Variants in COMMD1 observed in about 807,000 individuals in gnomAD.
The protein encoded by COMMD1 is copper metabolism domain containing 1.
In COMMD1, 10 loss-of-function variants were observed where a neutral mutation model predicts 17.2. The observed-to-expected ratio is 0.58, with a 90% CI of 0.36 to 0.99. COMMD1 has a LOEUF of 0.99. COMMD1 is among the 50% of genes least tolerant of loss of function. The pLI is 0.01. For missense variants in COMMD1, 270 were observed against 231.8 expected (o/e 1.17, Z -1.07); for synonymous variants, 97 against 91.6 (o/e 1.06, Z -0.34).
intron 2 of COMMD1, among the ~76,000 whole-genome samples, chr2:62,062,263 G>C: frequency 6.7e-6 from 1 of 150,046 alleles, no homozygotes; most frequent in Admixed American, 6.6e-5. Flanking sequence ...TTTCGCTCTT[G>C]TTGCCCAGGC....
chr2:62,109,537 T>C (rs1224353781), intron 2 of COMMD1, among the ~76,000 whole-genome samples: 1 of 152,244 alleles, frequency 6.6e-6, no homozygotes, highest in African/African-American at 2.4e-5. Context: ...AAAAACCCTA[T>C]GAAGTGGGAT....
upstream of COMMD1, among the ~76,000 whole-genome samples, chr2:61,902,113 G>A (rs146818032): frequency 3.4e-3 from 514 of 151,998 alleles, 3 homozygotes; most frequent in Middle Eastern, 6.8e-3. Context: ...TTACAGGCGT[G>A]AGCCACCGCA....
At chr2:62,035,572 C>G (rs1670015675) in intron 2 of COMMD1, among the ~76,000 whole-genome samples, 2 of 151,806 alleles carry the variant, frequency 1.3e-5, no homozygotes, top group African/African-American at 2.4e-5. Flanking sequence ...GTAACACTCT[C>G]TACAAAAAAT....
intron 2 of COMMD1, among the ~76,000 whole-genome samples, chr2:62,019,101 T>TCCCCTCCC (rs1189020954): frequency 2.3e-5 from 2 of 88,324 alleles, no homozygotes; most frequent in Non-Finnish European, 2.2e-5. Flanking sequence ...TCTCTCTCTC[T>TCCCCTCCC]TCCCTCCCTC....
At chr2:61,913,962 G>A (rs183789182) in intron 1 of COMMD1, among the ~76,000 whole-genome samples, 95 of 152,196 alleles carry the variant, frequency 6.2e-4, no homozygotes, top group Non-Finnish European at 1.5e-4. Context: ...ATGAGGTCAG[G>A]AGATCAAGAC....
intron 1 of COMMD1, among the ~76,000 whole-genome samples, chr2:61,970,762 G>T (rs192981268): frequency 1.3e-5 from 2 of 151,994 alleles, no homozygotes; most frequent in African/African-American, 2.4e-5. Flanking sequence ...TAAACTCCAG[G>T]TTGTCTTGTA....
At chr2:61,984,706 C>A (rs1436765971) in intron 1 of COMMD1, among the ~76,000 whole-genome samples, 2 of 152,074 alleles carry the variant, frequency 1.3e-5, no homozygotes, top group African/African-American at 4.8e-5. Flanking sequence ...TTAAATGTTT[C>A]TTTGTTGAAT....
At position 61,979,571 on chromosome 2, in the gene COMMD1, T is replaced by C. The variant is rs141939808; in HGVS notation, c.181-21130T>C. Among the ~76,000 whole-genome samples, 393 of 152,254 alleles carry C rather than the reference T, an allele frequency of 2.6e-3. 1 individual carries two copies. Among genetic ancestry groups the C allele is most frequent in the African/African-American group, 8.9e-3 (371 of 41,550 alleles). ...AAACAAAATCAGGATATCGAAGAGATATCTGCACTCCCATGTGAGCCACCG... is the reference window on the plus strand; with the variant it reads ...AAACAAAATCAGGATATCGAAGAGACATCTGCACTCCCATGTGAGCCACCG... On this transcript the variant is annotated intron_variant, in intron 1 of 2. Coordinates refer to ENST00000311832, the MANE Select transcript of COMMD1 (RefSeq NM_152516.4).
intron 2 of COMMD1, among the ~76,000 whole-genome samples, chr2:62,015,341 A>G (rs1669408274): frequency 6.6e-6 from 1 of 152,200 alleles, no homozygotes; most frequent in East Asian, 1.9e-4. Flanking sequence ...TTGTTGTAGT[A>G]CATATCAGGA....
intron 2 of COMMD1, among the ~76,000 whole-genome samples, chr2:62,061,957 G>A (rs1445995635): frequency 6.9e-6 from 1 of 144,466 alleles, no homozygotes; most frequent in Admixed American, 7.0e-5. Context: ...AAGGGAAGAA[G>A]TGAAATTAGT....
At chr2:62,040,533 C>T (rs1011702361) in intron 2 of COMMD1, among the ~76,000 whole-genome samples, 1 of 151,734 alleles carries the variant, frequency 6.6e-6, no homozygotes, top group African/African-American at 2.4e-5. Flanking sequence ...ACATAATATC[C>T]CTAAAAATGA....
At chr2:62,074,750 T>G (rs1671292673) in intron 2 of COMMD1, among the ~76,000 whole-genome samples, 1 of 152,176 alleles carries the variant, frequency 6.6e-6, no homozygotes, top group South Asian at 2.1e-4. Flanking sequence ...TCTTTGGAGC[T>G]TCTAGCAGGG....
At position 61,889,237 on chromosome 2, in the gene COMMD1, C is replaced by T. The variant is rs540434315; in HGVS notation, n.119+395C>T. 4.3e-3 allele frequency among the ~76,000 whole-genome samples: 445 copies of T among 103,272 alleles called. 4 individuals are homozygous for T. Among genetic ancestry groups the T allele is most frequent in the African/African-American group, 0.016 (424 of 26,734 alleles). The allele number at this position is 103,272 out of a possible 152,430, so 67.8% of individuals were successfully genotyped here. A position where few individuals can be genotyped will look rare whatever the true frequency, so the allele number is the denominator to read the frequency against. On this transcript the variant is annotated intron_variant and non_coding_transcript_variant, in intron 1 of 2. Transcript: ENST00000472729. Reference sequence around the variant, plus strand: ...TTTTTTTTTTTTTTTGACAGAGTCTCGCTCTGTCGTCCAGGCGGGAGTGCA... The same window carrying T: ...TTTTTTTTTTTTTTTGACAGAGTCTTGCTCTGTCGTCCAGGCGGGAGTGCA...
At chr2:62,124,918 C>G (rs1169877767) in intron 2 of COMMD1, among the ~76,000 whole-genome samples, 1 of 151,898 alleles carries the variant, frequency 6.6e-6, no homozygotes, top group Non-Finnish European at 1.5e-5. Context: ...TCCTAGATAC[C>G]AAATGTCTCT....
intron 1 of COMMD1, among the ~76,000 whole-genome samples, chr2:61,952,566 T>C (rs1005713835): frequency 1.1e-4 from 16 of 152,186 alleles, no homozygotes; most frequent in African/African-American, 3.1e-4. Flanking sequence ...TCCATACATA[T>C]ATGATTTCAT....
At chr2:62,132,820 A>T (rs1673081400) in intron 2 of COMMD1, among the ~76,000 whole-genome samples, 1 of 149,356 alleles carries the variant, frequency 6.7e-6, no homozygotes, top group African/African-American at 2.5e-5. Context: ...AACCTGGGCG[A>T]CAGAGCGAGA....
chr2:62,042,433 G>A (rs187338458), intron 2 of COMMD1, among the ~76,000 whole-genome samples: 5 of 152,292 alleles, frequency 3.3e-5, no homozygotes, highest in South Asian at 2.1e-4. Flanking sequence ...GGCACTCTCC[G>A]GGGGACTTTG....
At chr2:62,046,595 G>GT (rs35177147) in intron 2 of COMMD1, among the ~76,000 whole-genome samples, 20,284 of 152,202 alleles carry the variant, frequency 0.13, 3,380 homozygotes, top group African/African-American at 0.39. Flanking sequence ...CATTGAAGAA[G>GT]TAAAGAGAAG....
chr2:61,963,190 T>TATACACACACACACACACACACACACAC (rs1280301014), intron 1 of COMMD1, among the ~76,000 whole-genome samples: 1 of 136,378 alleles, frequency 7.3e-6, no homozygotes, highest in African/African-American at 2.9e-5. Context: ...ATATATTATA[T>TATACACACACACACACACACACACACAC]ACACACACAC....
Sources: gnomAD v4.1 joint callset for allele counts (sites outside exome capture counted in the v4.1 genomes callset) on GRCh38, gnomAD v4.1.1 for gene constraint, MANE v1.5 for transcripts, NCBI Gene and HGNC (gene_info 2026-07-23, HGNC 2026-07-21) for gene names.